The following TBCD variants were observed in gnomAD, a reference collection of about 807,000 sequenced individuals.
TBCD encodes the protein tubulin-specific chaperone D.
Under a neutral mutation model 169.3 loss-of-function variants are expected in TBCD, and 105 were observed. That is an observed-to-expected ratio of 0.62 (90% CI 0.53 to 0.73). TBCD has a LOEUF of 0.73. Ranked by LOEUF, TBCD falls within the 30% of genes least tolerant of loss-of-function variation. The probability of loss-of-function intolerance (pLI) is 0.00; values close to 1 mark genes in which losing one functional copy is unlikely to be tolerated. For synonymous variants in TBCD, 700 were observed against 643.9 expected (o/e 1.09, Z -1.32); for missense variants, 1,444 against 1,600.1 (o/e 0.90, Z 1.66).
In TBCD at chr17:82,876,019, T is replaced by A. The variant is rs1277280670; in HGVS notation, c.1475+5639T>A. On this transcript the variant is annotated intron_variant, in intron 14 of 38. Transcript: ENST00000355528. ...AACAAATTACTAGTCTGATATTTTT[T>A]AAATGTCTGACTTTCAAATGACACA... 2.0e-5 allele frequency among the ~76,000 whole-genome samples: 3 copies of A among 152,226 alleles called. No homozygotes were observed. The East Asian group carries it at 5.8e-4, about 29-fold the overall frequency.
chr17:82,788,473 A>G (rs2049466665), intron 7 of TBCD, among the ~76,000 whole-genome samples: 1 of 152,124 alleles, frequency 6.6e-6, no homozygotes, highest in Non-Finnish European at 1.5e-5. Flanking sequence ...TCTTCCCCTT[A>G]TCGGCTGTTA....
Position 82,890,628 on chromosome 17 carries a change from G to A in TBCD, c.1563+931G>A, listed in dbSNP as rs1249206013. Reference sequence around the variant, plus strand: ...TGAAATGGTTCTGGAGGAGCCTGGCGTGAGTGGTGTGGGCGGCTTTCTGTA... The same window carrying A: ...TGAAATGGTTCTGGAGGAGCCTGGCATGAGTGGTGTGGGCGGCTTTCTGTA... On this transcript the variant is annotated intron_variant, in intron 16 of 38. Coordinates refer to ENST00000355528, the MANE Select transcript of TBCD (RefSeq NM_005993.5). This position sits in a 1 kb window ranked among gnomAD's most constrained non-coding sequence, Gnocchi z 5.3. Among the ~76,000 whole-genome samples, 2 of 152,168 alleles carry A rather than the reference G, an allele frequency of 1.3e-5. No homozygotes were observed. The highest frequency in any genetic ancestry group is 4.8e-5 in the African/African-American group (2 of 41,438).
At chr17:82,849,928 T>TTGCTGTTGCCTGTGC (rs2055517688) in intron 13 of TBCD, among the ~76,000 whole-genome samples, 1 of 118,632 alleles carries the variant, frequency 8.4e-6, no homozygotes, top group Non-Finnish European at 1.8e-5. Flanking sequence ...GTTGGCTGTT[T>TTGCTGTTGCCTGTGC]TGCTGTTGGC....
At chr17:82,776,254 G>A (rs2144181143) in intron 6 of TBCD, among the ~76,000 whole-genome samples, 1 of 152,152 alleles carries the variant, frequency 6.6e-6, no homozygotes, top group East Asian at 1.9e-4. Context: ...CAGAAAAGTT[G>A]GAAATCTTGG....
In TBCD at chr17:82,911,556, G is replaced by A. The variant is rs59047861; in HGVS notation, c.2007-202G>A. On this transcript the variant is annotated intron_variant, in intron 22 of 38. Transcript: ENST00000355528. ...AAAATTAAAAATCAGCATCACCCCAGCTAGGATGGGAGACCTCTGGAAGAT... is the reference window on the plus strand; with the variant it reads ...AAAATTAAAAATCAGCATCACCCCAACTAGGATGGGAGACCTCTGGAAGAT... 0.028 allele frequency among the ~76,000 whole-genome samples: 4,277 copies of A among 152,304 alleles called. 209 individuals are homozygous for A. Among genetic ancestry groups the A allele is most frequent in the African/African-American group, 0.097 (4,026 of 41,540 alleles).
chr17:82,871,350 T>C (rs1012236115), intron 14 of TBCD, among the ~76,000 whole-genome samples: 1 of 152,222 alleles, frequency 6.6e-6, no homozygotes, highest in Non-Finnish European at 1.5e-5. Flanking sequence ...GTGCTTCCTT[T>C]CTTGTTGTGC....
intron 13 of TBCD, chr17:82,830,506 C>G: frequency 1.2e-6 from 2 of 1,613,584 alleles, no homozygotes; most frequent in African/African-American, 1.3e-5. Flanking sequence ...ACCGTCGAGG[C>G]TGCCTGGCTT....
At chr17:82,905,569 C>T (rs2060189705) in intron 19 of TBCD, among the ~76,000 whole-genome samples, 1 of 72,708 alleles carries the variant, frequency 1.4e-5, no homozygotes, top group Admixed American at 1.2e-4. Flanking sequence ...ACGCCGTCAC[C>T]TGCCCTCCCG....
At position 82,938,071 on chromosome 17, in the gene TBCD, C is replaced by G. The variant is rs1378473174; in HGVS notation, c.3304C>G (p.Pro1102Ala). The G allele has an allele frequency of 6.2e-7, 1 of 1,613,018 alleles. No homozygotes were observed. Among genetic ancestry groups the G allele is most frequent in the Non-Finnish European group, 8.5e-7 (1 of 1,179,836 alleles). ...IAVFCEMVQF[P>A]GDVRRQALLQ... is the part of the protein sequence containing the mutation. ...CAGGTTCTGCGAGATGGTGCAGTTC[C>G]CCGGCGACGTGAGGAGGCAGGCCCT... Residue 1102 changes from proline (P) to alanine (A), a missense_variant, in exon 36 of 39, where the codon CCC (proline) becomes GCC (alanine). By Grantham distance (27) the Pro-to-Ala change is conservative (BLOSUM62 -1). Coordinates refer to ENST00000355528, the MANE Select transcript of TBCD (RefSeq NM_005993.5).
intron 13 of TBCD, among the ~76,000 whole-genome samples, chr17:82,850,066 C>CTGTTGGCTGTGCTGT (rs2055579775): frequency 1.7e-4 from 2 of 12,088 alleles, no homozygotes; most frequent in Non-Finnish European, 1.8e-4. Context: ...GGCTGTGCTG[C>CTGTTGGCTGTGCTGT]TGTTGGCTGT....
In TBCD at chr17:82,899,186, T is replaced by TGTCCTCAGCGCGTGTCCGCAGTGC. The variant is rs1245084819; in HGVS notation, c.1650-1455_1650-1432dup. On this transcript the variant is annotated intron_variant, in intron 17 of 38. Transcript: ENST00000355528. ...CCGCAGTGCGCGCGTCCTCGGCTCGTGTCCTCAGCGCGTGTCCGCAGTGCG... is the reference window on the plus strand; with the variant it reads ...CCGCAGTGCGCGCGTCCTCGGCTCGTGTCCTCAGCGCGTGTCCGCAGTGCGTCCTCAGCGCGTGTCCGCAGTGCG... Among the ~76,000 whole-genome samples the TGTCCTCAGCGCGTGTCCGCAGTGC allele has an allele frequency of 5.5e-4, 73 of 131,606 alleles. 1 individual carries two copies. The highest frequency in any genetic ancestry group is 5.5e-3 in the Admixed American group (70 of 12,712). 86.3% of individuals were successfully genotyped at this position (131,606 alleles called of 152,430 possible).
rs964447404 is a variant in TBCD at position 82,806,857 on chromosome 17, G to C, written c.1088-751G>C. Reference sequence around the variant, plus strand: ...TTCTCAGAGCCCTCCCTGGTTGCGTGGTAGGCGCCCGCATCTGTGCTGGGC... The same window carrying C: ...TTCTCAGAGCCCTCCCTGGTTGCGTCGTAGGCGCCCGCATCTGTGCTGGGC... On this transcript the variant is annotated intron_variant, in intron 10 of 38. Transcript: ENST00000355528. The surrounding 1 kb of genome is among the most constrained non-coding windows in gnomAD (Gnocchi z 5.1). Among the ~76,000 whole-genome samples, 2 of 152,182 alleles carry C rather than the reference G, an allele frequency of 1.3e-5. No homozygotes were observed. Among genetic ancestry groups the C allele is most frequent in the African/African-American group, 4.8e-5 (2 of 41,450 alleles).
intron 13 of TBCD, chr17:82,830,567 G>C: frequency 6.2e-7 from 1 of 1,614,096 alleles, no homozygotes; most frequent in Non-Finnish European, 8.5e-7. Context: ...CCAGTCTTCT[G>C]TGGAACAGCA....
At chr17:82,917,546 A>G (rs542649905) in intron 23 of TBCD, among the ~76,000 whole-genome samples, 41 of 152,340 alleles carry the variant, frequency 2.7e-4, no homozygotes, top group African/African-American at 9.4e-4. Context: ...CTGCAGGAAC[A>G]AGACATGACA....
intron 7 of TBCD, among the ~76,000 whole-genome samples, chr17:82,796,449 G>A (rs145494096): frequency 2.1e-4 from 32 of 152,312 alleles, no homozygotes; most frequent in African/African-American, 6.0e-4. Flanking sequence ...GGTAGGGAAC[G>A]TGTTACTATC....
intron 3 of TBCD, among the ~76,000 whole-genome samples, chr17:82,764,731 C>CG (rs1425501954): frequency 6.6e-6 from 1 of 152,198 alleles, no homozygotes; most frequent in Non-Finnish European, 1.5e-5. Context: ...TAGGTCTAGG[C>CG]GGGGGTCTCA....
intron 7 of TBCD, among the ~76,000 whole-genome samples, chr17:82,791,108 T>TG (rs1312525970): frequency 6.6e-6 from 1 of 150,654 alleles, no homozygotes; most frequent in African/African-American, 2.4e-5. Flanking sequence ...TTTTTTTTTT[T>TG]TTAGACGGAG....
At chr17:82,769,833 C>T (rs1008808096) in intron 5 of TBCD, among the ~76,000 whole-genome samples, 3 of 148,092 alleles carry the variant, frequency 2.0e-5, no homozygotes, top group Admixed American at 6.8e-5. Context: ...ACTGAGATTA[C>T]GCCACTGCAC....
chr17:82,794,648 C>T (rs550815275), intron 7 of TBCD, among the ~76,000 whole-genome samples: 1 of 152,254 alleles, frequency 6.6e-6, no homozygotes, highest in Non-Finnish European at 1.5e-5. Flanking sequence ...CCACGCTGAG[C>T]ACTGGCCACT....
Sources: gnomAD v4.1 joint callset for allele counts (sites outside exome capture counted in the v4.1 genomes callset) on GRCh38, gnomAD v4.1.1 for gene constraint, Gnocchi (gnomAD v3.1) non-coding constraint, MANE v1.5 for transcripts, NCBI Gene and HGNC (gene_info 2026-07-23, HGNC 2026-07-21) for gene names.